ADAMTS2: variants seen among roughly 807,000 people sequenced by gnomAD.
The protein encoded by ADAMTS2 is A disintegrin and metalloproteinase with thrombospondin motifs 2.
A neutral mutation model predicts 123.0 loss-of-function variants in ADAMTS2; 50 were observed. The observed-to-expected ratio is 0.41, with a 90% CI of 0.32 to 0.51. The LOEUF is 0.51. Among genes scored for constraint, ADAMTS2 ranks in the 20% least tolerant of loss-of-function variants. ADAMTS2 has a pLI of 0.35. For synonymous variants in ADAMTS2, 678 were observed against 695.4 expected, an observed-to-expected ratio of 0.98 and a Z score of 0.39; for missense variants, 1,494 against 1,705.2, an observed-to-expected ratio of 0.88 and a Z score of 2.18.
At position 179,312,323 on chromosome 5, in the gene ADAMTS2, T is replaced by C. The variant is rs768305093; in HGVS notation, c.534+31444A>G. Among the ~76,000 whole-genome samples the C allele has an allele frequency of 1.3e-5, 2 of 152,018 alleles. No homozygotes were observed. The highest frequency in any genetic ancestry group is 6.5e-5 in the Admixed American group (1 of 15,278). ...AAGCTACTCCCCCAAGGTGATATAT[T>C]AGGAAGTGGGGCCTTTGGGAGGTGA... is the stretch of plus-strand genomic sequence containing the variant. On this transcript the variant is annotated intron_variant, in intron 2 of 21. Coordinates refer to ENST00000251582, the MANE Select transcript of ADAMTS2 (RefSeq NM_014244.5). The surrounding 1 kb of genome is among the most constrained non-coding windows in gnomAD (Gnocchi z 4.2).
chr5:179,287,701 C>G (rs1228354382), intron 2 of ADAMTS2, among the ~76,000 whole-genome samples: 3 of 152,212 alleles, frequency 2.0e-5, no homozygotes, highest in Non-Finnish European at 2.9e-5. Flanking sequence ...GTCTCGAGGA[C>G]CCAGGAGGCA....
intron 11 of ADAMTS2, among the ~76,000 whole-genome samples, chr5:179,138,448 C>T (rs946821214): frequency 4.6e-5 from 7 of 152,234 alleles, no homozygotes; most frequent in Non-Finnish European, 1.0e-4. Flanking sequence ...TGTCTTGGCA[C>T]AAAGCAGACG....
chr5:179,309,935 C>T (rs1277614758), intron 2 of ADAMTS2, among the ~76,000 whole-genome samples: 1 of 152,220 alleles, frequency 6.6e-6, no homozygotes, highest in African/African-American at 2.4e-5. Flanking sequence ...GCCCCCACTG[C>T]ATGTCCCTCC....
At chr5:179,145,441 T>C (rs767567426) in intron 10 of ADAMTS2, among the ~76,000 whole-genome samples, 11 of 152,174 alleles carry the variant, frequency 7.2e-5, no homozygotes, top group Non-Finnish European at 1.5e-4. Context: ...GTATTTCCCA[T>C]CATTACCGAA....
rs1282763393 is a variant in ADAMTS2 at position 179,118,301 on chromosome 5, T to C, written c.3178+3360A>G. Among the ~76,000 whole-genome samples the C allele has an allele frequency of 6.6e-6, 1 of 152,142 alleles. No individual in the cohort carries two copies. Among genetic ancestry groups the C allele is most frequent in the Non-Finnish European group, 1.5e-5 (1 of 68,032 alleles). ...CCCCAGGTTTGTACATTTTTAAGTA[T>C]CATCACGGACCACAGAGAAGAGTGA... On this transcript the variant is annotated intron_variant, in intron 21 of 21. Transcript: ENST00000251582. This position sits in a 1 kb window ranked among gnomAD's most constrained non-coding sequence, Gnocchi z 4.5.
intron 3 of ADAMTS2, among the ~76,000 whole-genome samples, chr5:179,267,595 C>T (rs1262905941): frequency 6.6e-6 from 1 of 152,218 alleles, no homozygotes; most frequent in Non-Finnish European, 1.5e-5. Flanking sequence ...CCGGGGCGAG[C>T]CCCAGGAGAG....
At chr5:179,239,783 G>A (rs1164294414) in intron 3 of ADAMTS2, among the ~76,000 whole-genome samples, 1 of 152,172 alleles carries the variant, frequency 6.6e-6, no homozygotes, top group Non-Finnish European at 1.5e-5. Flanking sequence ...GCGGGAAGAG[G>A]AAGGATCAGC....
At chr5:179,342,798 A>G (rs1451891593) in intron 2 of ADAMTS2, among the ~76,000 whole-genome samples, 1 of 152,230 alleles carries the variant, frequency 6.6e-6, no homozygotes, top group African/African-American at 2.4e-5. Context: ...GCAGCCGGAC[A>G]GAGCACCGCC....
Position 179,209,310 on chromosome 5 carries a change from C to T in ADAMTS2, c.689-1595G>A, listed in dbSNP as rs565567839. On this transcript the variant is annotated intron_variant, in intron 3 of 21. Coordinates refer to ENST00000251582, the MANE Select transcript of ADAMTS2 (RefSeq NM_014244.5). ...TGCAGCCTGGCTCAGACAAGACAGACTGAACATGAAGTTTCAGGCACAAAC... is the reference window on the plus strand; with the variant it reads ...TGCAGCCTGGCTCAGACAAGACAGATTGAACATGAAGTTTCAGGCACAAAC... 9.3e-4 allele frequency among the ~76,000 whole-genome samples: 142 copies of T among 152,352 alleles called. 5 individuals are homozygous for T. In the South Asian group the frequency reaches 0.029, roughly 31 times the overall value.
At chr5:179,257,968 C>A (rs898420718) in intron 3 of ADAMTS2, among the ~76,000 whole-genome samples, 4 of 152,324 alleles carry the variant, frequency 2.6e-5, no homozygotes, top group African/African-American at 9.6e-5. Context: ...TGGCCGACCC[C>A]GTGTCTACCT....
rs1763915960 is a variant in ADAMTS2, at chr5:179,175,771, G to C, written c.975+5301C>G. Among the ~76,000 whole-genome samples, 1 of 152,182 alleles carries C rather than the reference G, an allele frequency of 6.6e-6. No homozygotes were observed. The highest frequency in any genetic ancestry group is 6.5e-5 in the Admixed American group (1 of 15,282). ...TGCTCTTTTCCAATACTAGTTTCAT[G>C]TCACATACAAGTATCTAGGATTTTC... On this transcript the variant is annotated intron_variant, in intron 5 of 21. Coordinates refer to ENST00000251582, the MANE Select transcript of ADAMTS2 (RefSeq NM_014244.5). This position sits in a 1 kb window ranked among gnomAD's most constrained non-coding sequence, Gnocchi z 4.1.
At position 179,272,900 on chromosome 5, in the gene ADAMTS2, A is replaced by G. The variant is rs762403200; in HGVS notation, c.688+11T>C. On this transcript the variant is annotated intron_variant, in intron 3 of 21. Coordinates refer to ENST00000251582, the MANE Select transcript of ADAMTS2 (RefSeq NM_014244.5). This position sits in a 1 kb window ranked among gnomAD's most constrained non-coding sequence, Gnocchi z 5.8. ...CTCTCCACACAGCCTGCCCACCTGC[A>G]GTAGCCTCACCTGTGTCCAGGGCCT... The G allele has an allele frequency of 1.9e-6, 3 of 1,607,088 alleles. No homozygotes were observed. The highest frequency in any genetic ancestry group is 3.3e-5 in the Admixed American group (2 of 59,982).
intron 5 of ADAMTS2, among the ~76,000 whole-genome samples, chr5:179,169,628 C>A (rs1452055371): frequency 6.6e-6 from 1 of 152,138 alleles, no homozygotes; most frequent in Non-Finnish European, 1.5e-5. Flanking sequence ...CACCTCATCC[C>A]CTGTCCCAGA....
Position 179,129,650 on chromosome 5 carries a change from A to G in ADAMTS2, c.2457+282T>C, listed in dbSNP as rs1206544828. Among the ~76,000 whole-genome samples the G allele has an allele frequency of 2.0e-5, 3 of 152,128 alleles. No homozygotes were observed. The highest frequency in any genetic ancestry group is 4.4e-5 in the Non-Finnish European group (3 of 68,022). On this transcript the variant is annotated intron_variant, in intron 16 of 21. Coordinates refer to ENST00000251582, the MANE Select transcript of ADAMTS2 (RefSeq NM_014244.5). This position sits in a 1 kb window ranked among gnomAD's most constrained non-coding sequence, Gnocchi z 4.1. ...ACAGCACACTCGAACGAGCATGCTG[A>G]TGGCAGCTGTGAATGTCATTCAGAT...
chr5:179,329,767 G>A (rs1757430503), intron 2 of ADAMTS2, among the ~76,000 whole-genome samples: 1 of 152,154 alleles, frequency 6.6e-6, no homozygotes, highest in South Asian at 2.1e-4. Context: ...TTAATGACTA[G>A]CCCCAGGGAG....
chr5:179,135,841 G>A, intron 13 of ADAMTS2, 68 bp downstream of exon 13: 1 of 1,606,776 alleles, frequency 6.2e-7, no homozygotes, highest in Non-Finnish European at 8.5e-7. Flanking sequence ...CCCGAAAAGG[G>A]GGAGGTCAGT....
intron 4 of ADAMTS2, among the ~76,000 whole-genome samples, chr5:179,183,027 T>C (rs3776819): frequency 0.67 from 101,548 of 152,074 alleles, 35,187 homozygotes; most frequent in African/African-American, 0.85. Context: ...GATGAAACCG[T>C]CATGCAGGTG....
intron 2 of ADAMTS2, among the ~76,000 whole-genome samples, chr5:179,330,765 C>G (rs755893630): frequency 6.6e-6 from 1 of 152,224 alleles, no homozygotes; most frequent in Non-Finnish European, 1.5e-5. Context: ...GGACACAGCC[C>G]GTGACAGCCT....
At chr5:179,239,808 T>A (rs962252984) in intron 3 of ADAMTS2, among the ~76,000 whole-genome samples, 1 of 152,026 alleles carries the variant, frequency 6.6e-6, no homozygotes, top group Non-Finnish European at 1.5e-5. Flanking sequence ...GAAACGGGGA[T>A]GAACTGTGAG....
Sources: allele counts gnomAD v4.1 joint callset (sites outside exome capture counted in the v4.1 genomes callset), GRCh38; gene constraint gnomAD v4.1.1; non-coding constraint Gnocchi (gnomAD v3.1); transcripts MANE v1.5; gene names NCBI Gene and HGNC (gene_info 2026-07-23, HGNC 2026-07-21).